The following PRAM1 variants were observed in gnomAD, a reference collection of about 807,000 sequenced individuals.
The protein encoded by PRAM1 is PML-RARA regulated adaptor molecule 1.
Under a neutral mutation model 55.3 loss-of-function variants are expected in PRAM1, and 41 were observed. The observed-to-expected ratio is 0.74, with a 90% CI of 0.58 to 0.96. The LOEUF (loss-of-function observed/expected upper bound fraction) is 0.96. Ranked by LOEUF, PRAM1 falls within the 40% of genes least tolerant of loss-of-function variation. The probability of loss-of-function intolerance (pLI) is 0.00; values close to 1 mark genes in which losing one functional copy is unlikely to be tolerated. For missense variants in PRAM1, 898 were observed against 892.7 expected (o/e 1.01, Z -0.08); for synonymous variants, 401 against 387.1 (o/e 1.04, Z -0.42).
Position 8,493,038 on chromosome 19 carries a change from G to A in PRAM1, c.1577-1881C>T, listed in dbSNP as rs939069575. Among the ~76,000 whole-genome samples the A allele has an allele frequency of 5.3e-5, 8 of 152,156 alleles. No individual in the cohort carries two copies. The highest frequency in any genetic ancestry group is 1.0e-4 in the Non-Finnish European group (7 of 68,020). On this transcript the variant is annotated intron_variant, in intron 4 of 9. Transcript: ENST00000423345. This position sits in a 1 kb window ranked among gnomAD's most constrained non-coding sequence, Gnocchi z 4.1. ...ATAATTTTTAAAAGATGCTGCTAGGGTAAGCGTCCTGGACTGGTGACTGAT... is the reference window on the plus strand; with the variant it reads ...ATAATTTTTAAAAGATGCTGCTAGGATAAGCGTCCTGGACTGGTGACTGAT...
chr19:8,501,068 C>T (rs1177295997), intron 1 of PRAM1, among the ~76,000 whole-genome samples: 2 of 151,228 alleles, frequency 1.3e-5, no homozygotes, highest in Admixed American at 6.6e-5. Context: ...CCACCGTGCC[C>T]AACCTAGACC....
In PRAM1 at chr19:8,496,508, T is replaced by G. The variant is rs1971701326; in HGVS notation, c.1576+1256A>C. On this transcript the variant is annotated intron_variant, in intron 4 of 9. Coordinates refer to ENST00000423345, the MANE Select transcript of PRAM1 (RefSeq NM_032152.5). ...TGGAGGCTAAGGTGGGTGGATCGTT[T>G]GAGGTCAGGAGCTTGAGACCAGCCT... 2.6e-5 allele frequency among the ~76,000 whole-genome samples: 4 copies of G among 151,656 alleles called. No individual in the cohort carries two copies. In the South Asian group the frequency reaches 8.3e-4, roughly 32 times the overall value.
chr19:8,494,899 C>T (rs1971677023), intron 4 of PRAM1, among the ~76,000 whole-genome samples: 1 of 150,664 alleles, frequency 6.6e-6, no homozygotes. Flanking sequence ...TCCCAAAGTG[C>T]TGGGATTACA....
Position 8,498,602 on chromosome 19 carries a change from G to A in PRAM1, c.1206C>T (p.Ser402=), listed in dbSNP as rs1337518350. 1 of 1,612,530 alleles carries A rather than the reference G, an allele frequency of 6.2e-7. No individual in the cohort carries two copies. The highest frequency in any genetic ancestry group is 1.3e-5 in the African/African-American group (1 of 74,934). Residue 402 remains serine (S), a synonymous_variant, in exon 2 of 10, where the codon TCC becomes TCT. Transcript: ENST00000423345. ...CAAACCCAGGGCTGAGCGGGTGCCGGGAGCTGAAGCCGGCCACGGCCGCAG... is the reference window on the plus strand; with the variant it reads ...CAAACCCAGGGCTGAGCGGGTGCCGAGAGCTGAAGCCGGCCACGGCCGCAG... ...SLPAAVAGFS[S]RHPLSPGFGA... is the part of the protein sequence containing the mutation.
Position 8,499,537 on chromosome 19 carries a change from G to A in PRAM1, c.271C>T (p.Leu91Phe), listed in dbSNP as rs1336852361. The change falls in exon 2 of 10, where the codon CTC (leucine) becomes TTC (phenylalanine). Residue 91 changes from leucine to phenylalanine, a missense_variant. Physicochemically the swap from Leu to Phe is conservative, Grantham distance 22 (BLOSUM62 0). Coordinates refer to ENST00000423345, the MANE Select transcript of PRAM1 (RefSeq NM_032152.5). ...TCAGGCGGCGGGGGCTTCTTGGGGAGGTCAGTGACCTCAGGCGGCGGGGGC... is the reference window on the plus strand; with the variant it reads ...TCAGGCGGCGGGGGCTTCTTGGGGAAGTCAGTGACCTCAGGCGGCGGGGGC... ...KKPPPPEVTD[L>F]PKKPPPPEVT... The A allele has an allele frequency of 3.8e-6, 3 of 791,060 alleles. No homozygotes were observed. The highest frequency in any genetic ancestry group is 3.6e-5 in the African/African-American group (2 of 55,958). The allele number at this position is 791,060 out of a possible 1,614,324, so 49.0% of individuals were successfully genotyped here. A position where few individuals can be genotyped will look rare whatever the true frequency, so the allele number is the denominator to read the frequency against.
Position 8,493,672 on chromosome 19 carries a change from C to G in PRAM1, c.1577-2515G>C, listed in dbSNP as rs935242302. Among the ~76,000 whole-genome samples the G allele has an allele frequency of 6.6e-6, 1 of 152,186 alleles. No individual in the cohort carries two copies. The highest frequency in any genetic ancestry group is 2.4e-5 in the African/African-American group (1 of 41,442). ...CTGCCACTGCTCCAAGTAAGGCAGA[C>G]AGTGGGAAAGGGGAGTCCAGAGTCC... On this transcript the variant is annotated intron_variant, in intron 4 of 9. Coordinates refer to ENST00000423345, the MANE Select transcript of PRAM1 (RefSeq NM_032152.5). This position sits in a 1 kb window ranked among gnomAD's most constrained non-coding sequence, Gnocchi z 4.1.
chr19:8,491,206 C>CT (rs1326119307), intron 4 of PRAM1, 49 bp from the exon 5 acceptor site: 5 of 1,560,850 alleles, frequency 3.2e-6, no homozygotes, highest in Non-Finnish European at 4.4e-6. Context: ...CCGGCTCAGC[C>CT]TTTACCCTGG....
Position 8,499,453 on chromosome 19 carries a change from G to C in PRAM1, c.355C>G (p.Pro119Ala). 1 of 1,611,606 alleles carries C rather than the reference G, an allele frequency of 6.2e-7. No homozygotes were observed. Among genetic ancestry groups the C allele is most frequent in the Non-Finnish European group, 8.5e-7 (1 of 1,179,662 alleles). The change falls in exon 2 of 10, where the codon CCG (proline) becomes GCG (alanine). Residue 119 changes from proline to alanine, a missense_variant. Physicochemically the swap from Pro to Ala is conservative, Grantham distance 27. Transcript: ENST00000423345. Reference protein sequence around the residue: ...PPEVTDLPKKPSKLELSDLSK... With the variant: ...PPEVTDLPKKASKLELSDLSK... Reference sequence around the variant, plus strand: ...AGGTCACTCAACTCCAGTTTGGACGGCTTCTTGGGGAGGTCAGTGACCTCA... The same window carrying C: ...AGGTCACTCAACTCCAGTTTGGACGCCTTCTTGGGGAGGTCAGTGACCTCA...
Position 8,502,558 on chromosome 19 carries a change from C to T in PRAM1, c.27+7G>A. ...CCAGTGAGGCACAGGCCTCTTCCAGCACTCACCATGGCTGCAGGCAGGTGA... is the reference window on the plus strand; with the variant it reads ...CCAGTGAGGCACAGGCCTCTTCCAGTACTCACCATGGCTGCAGGCAGGTGA... On this transcript the variant is annotated splice_region_variant and intron_variant, in intron 1 of 9. Coordinates refer to ENST00000423345, the MANE Select transcript of PRAM1 (RefSeq NM_032152.5). 1 of 1,547,666 alleles carries T rather than the reference C, an allele frequency of 6.5e-7. No individual in the cohort carries two copies. Among genetic ancestry groups the T allele is most frequent in the South Asian group, 1.2e-5 (1 of 84,020 alleles).
chr19:8,497,870 CTTTTTTTTTTTTTTT>C, intron 3 of PRAM1, 30 bp from the exon 4 acceptor site: 2 of 358,022 alleles, frequency 5.6e-6, no homozygotes, highest in Admixed American at 6.8e-5. Context: ...GAGGCCTCTT[CTTTTTTTTTTTTTTT>C]TTTTTTTTTT....
intron 4 of PRAM1, among the ~76,000 whole-genome samples, chr19:8,496,716 C>G (rs933605356): frequency 6.6e-6 from 1 of 152,020 alleles, no homozygotes; most frequent in Non-Finnish European, 1.5e-5. Context: ...CAGAGCGAGC[C>G]TCCATCTCAA....
At chr19:8,496,736 C>A (rs565322497) in intron 4 of PRAM1, among the ~76,000 whole-genome samples, 2 of 150,888 alleles carry the variant, frequency 1.3e-5, no homozygotes, top group Non-Finnish European at 3.0e-5. Context: ...AACAAAAAAA[C>A]GAATACATAA....
At chr19:8,491,992 C>T (rs1178035873) in intron 4 of PRAM1, 3 of 152,352 alleles carry the variant, frequency 2.0e-5, no homozygotes, top group Non-Finnish European at 2.9e-5. Context: ...TGTGCAATGG[C>T]GCGATCTCAG....
chr19:8,502,245 C>T (rs1170057097), intron 1 of PRAM1, among the ~76,000 whole-genome samples: 2 of 152,122 alleles, frequency 1.3e-5, no homozygotes, highest in Non-Finnish European at 2.9e-5. Context: ...GAAAGCACTG[C>T]TCTCACCCCA....
intron 4 of PRAM1, among the ~76,000 whole-genome samples, chr19:8,495,100 C>T (rs970102131): frequency 3.3e-5 from 5 of 150,864 alleles, no homozygotes; most frequent in African/African-American, 7.3e-5. Context: ...CCACCATGCC[C>T]GACTCATTTT....
intron 1 of PRAM1, 145 bp downstream of exon 1, chr19:8,502,420 G>T: frequency 9.8e-7 from 1 of 1,022,090 alleles, no homozygotes; most frequent in Non-Finnish European, 1.4e-6. Context: ...GGTCCTTTTT[G>T]CCGACCCTTC....
chr19:8,502,540 G>C, intron 1 of PRAM1, 25 bp downstream of exon 1: 1 of 1,528,422 alleles, frequency 6.5e-7, no homozygotes, highest in Non-Finnish European at 8.8e-7. Flanking sequence ...CAGCCAGTGA[G>C]GCACAGGCCT....
At position 8,498,979 on chromosome 19, in the gene PRAM1, GAGGCTGGGAGGCCTTTTTGGGAA is replaced by G; in HGVS notation, c.806_828del (p.Phe269SerfsTer4). Reference sequence around the variant, plus strand: ...GGCTTCTTGGGAAAGTCACTCAGCGGAGGCTGGGAGGCCTTTTTGGGAAAGGCGCTGGAGTCGCGCTTCGGCTC... The same window carrying G: ...GGCTTCTTGGGAAAGTCACTCAGCGGAGGCGCTGGAGTCGCGCTTCGGCTC... On this transcript the variant is annotated frameshift_variant, in exon 2 of 10. Coordinates refer to ENST00000423345, the MANE Select transcript of PRAM1 (RefSeq NM_032152.5). LOFTEE classifies it high-confidence loss of function. The G allele has an allele frequency of 6.2e-7, 1 of 1,613,338 alleles. No individual in the cohort carries two copies. The highest frequency in any genetic ancestry group is 8.5e-7 in the Non-Finnish European group (1 of 1,179,674).
At position 8,493,560 on chromosome 19, in the gene PRAM1, G is replaced by A. The variant is rs532394867; in HGVS notation, c.1577-2403C>T. 2.3e-3 allele frequency among the ~76,000 whole-genome samples: 349 copies of A among 150,986 alleles called. No individual in the cohort carries two copies. The highest frequency in any genetic ancestry group is 3.5e-3 in the Non-Finnish European group (235 of 68,000). ...GAGCAGGCCTCTGCCCGCCTTCCCC[G>A]CATGGCCAGCTCAGATCCCTGGGAA... On this transcript the variant is annotated intron_variant, in intron 4 of 9. Transcript: ENST00000423345. The surrounding 1 kb of genome is among the most constrained non-coding windows in gnomAD (Gnocchi z 4.1).
Sources: allele counts gnomAD v4.1 joint callset (sites outside exome capture counted in the v4.1 genomes callset), GRCh38; gene constraint gnomAD v4.1.1; non-coding constraint Gnocchi (gnomAD v3.1); transcripts MANE v1.5; gene names NCBI Gene and HGNC (gene_info 2026-07-23, HGNC 2026-07-21).